The following TCF12 variants were observed in gnomAD, a reference collection of about 807,000 sequenced individuals.
TCF12 encodes transcription factor 12, also known as DNA-binding protein HTF4.
TCF12 carries 45 observed loss-of-function variants against 86.0 expected under a neutral mutation model. The observed-to-expected ratio is 0.52, with a 90% CI of 0.41 to 0.67. The LOEUF (loss-of-function observed/expected upper bound fraction) is 0.67. TCF12 is among the 30% of genes least tolerant of loss of function. The pLI is 0.00. For synonymous variants in TCF12, 330 were observed against 299.6 expected (o/e 1.10, Z -1.05); for missense variants, 881 against 859.9 (o/e 1.02, Z -0.31).
rs28450459 is a variant in TCF12 at position 57,146,327 on chromosome 15, T to C, written c.326-20075T>C. Among the ~76,000 whole-genome samples the C allele has an allele frequency of 4.0e-3, 610 of 152,300 alleles. 5 individuals are homozygous for C. Among genetic ancestry groups the C allele is most frequent in the African/African-American group, 0.014 (578 of 41,568 alleles). ...AAACTTTGTCAACATCTCTCACTAA[T>C]AGTAAATTAAATGTGAAATTTAAAA... On this transcript the variant is annotated intron_variant, in intron 5 of 20. Transcript: ENST00000333725.
intron 3 of TCF12, among the ~76,000 whole-genome samples, chr15:56,921,476 C>T (rs1194494986): frequency 2.6e-5 from 4 of 151,956 alleles, no homozygotes; most frequent in Admixed American, 2.0e-4. Context: ...TTTAAATTTA[C>T]TTTCAATACA....
At chr15:57,234,915 T>C (rs16977333) in intron 12 of TCF12, among the ~76,000 whole-genome samples, 7,741 of 152,298 alleles carry the variant, frequency 0.051, 553 homozygotes, top group African/African-American at 0.16. Flanking sequence ...TTTTATTTTC[T>C]ATGAAGTGCA....
At chr15:57,254,874 A>AAAAAAAAAAAG (rs1555410242) in intron 16 of TCF12, among the ~76,000 whole-genome samples, 8 of 108,854 alleles carry the variant, frequency 7.3e-5, no homozygotes, top group Non-Finnish European at 1.2e-4. Flanking sequence ...AAAAAAAAAA[A>AAAAAAAAAAAG]AAAGAAAGAA....
intron 8 of TCF12, among the ~76,000 whole-genome samples, chr15:57,212,779 A>G (rs1298990776): frequency 2.0e-5 from 3 of 152,142 alleles, no homozygotes; most frequent in African/African-American, 7.2e-5. Flanking sequence ...GAAATGGAAA[A>G]TTAGGCTCAG....
intron 5 of TCF12, among the ~76,000 whole-genome samples, chr15:57,107,187 G>A (rs2050189254): frequency 6.6e-6 from 1 of 152,178 alleles, no homozygotes; most frequent in African/African-American, 2.4e-5. Flanking sequence ...TAGGTGAATG[G>A]ATAAATCATG....
chr15:56,981,988 G>T (rs778084639), intron 3 of TCF12, among the ~76,000 whole-genome samples: 1 of 152,126 alleles, frequency 6.6e-6, no homozygotes. Flanking sequence ...GGTACACTTG[G>T]TGTAGCTTTT....
intron 16 of TCF12, among the ~76,000 whole-genome samples, chr15:57,257,702 T>G (rs1291466449): frequency 1.4e-5 from 2 of 145,816 alleles, no homozygotes; most frequent in Non-Finnish European, 3.0e-5. Context: ...TATATATATA[T>G]AGTGGTACAG....
At chr15:57,017,851 A>G (rs1349508635) in intron 3 of TCF12, among the ~76,000 whole-genome samples, 1 of 150,682 alleles carries the variant, frequency 6.6e-6, no homozygotes, top group Non-Finnish European at 1.5e-5. Context: ...ATATACATGT[A>G]TATTTCTTCT....
At chr15:57,098,020 A>G (rs1295555592) in intron 5 of TCF12, among the ~76,000 whole-genome samples, 1 of 148,842 alleles carries the variant, frequency 6.7e-6, no homozygotes, top group African/African-American at 2.4e-5. Flanking sequence ...AAAAAAAAAA[A>G]AAAAAAAAAA....
intron 4 of TCF12, among the ~76,000 whole-genome samples, chr15:57,089,495 A>T (rs2048852745): frequency 6.6e-6 from 1 of 152,182 alleles, no homozygotes. Context: ...TCTAATCTAT[A>T]AAGTTAATAA....
At chr15:57,037,622 C>T (rs538745272) in intron 3 of TCF12, among the ~76,000 whole-genome samples, 3 of 152,238 alleles carry the variant, frequency 2.0e-5, no homozygotes, top group Admixed American at 6.5e-5. Flanking sequence ...GAAAATTGTT[C>T]GGTTTCTTAT....
rs552019244 is a variant in TCF12, at chr15:56,959,939, T to C, written c.148+38841T>C. On this transcript the variant is annotated intron_variant, in intron 3 of 20. Transcript: ENST00000333725. ...TTATTGTTCCAATTTTTTGACAACT[T>C]GAAAAAAATCAAAAGAAATAGCTGC... Among the ~76,000 whole-genome samples, 3 of 152,292 alleles carry C rather than the reference T, an allele frequency of 2.0e-5. No homozygotes were observed. In the South Asian group the frequency reaches 6.2e-4, roughly 32 times the overall value.
chr15:57,233,069 ATGTG>A (rs66793854), intron 11 of TCF12, among the ~76,000 whole-genome samples: 3 of 148,272 alleles, frequency 2.0e-5, no homozygotes, highest in Non-Finnish European at 4.5e-5. Flanking sequence ...ATATATGTAT[ATGTG>A]TGTTTTTTAT....
At chr15:56,984,507 T>C (rs186959183) in intron 3 of TCF12, among the ~76,000 whole-genome samples, 1 of 152,112 alleles carries the variant, frequency 6.6e-6, no homozygotes, top group African/African-American at 2.4e-5. Flanking sequence ...ATTCCAAGAC[T>C]ATGTAAAATC....
intron 3 of TCF12, among the ~76,000 whole-genome samples, chr15:57,032,050 C>T (rs1200543528): frequency 6.6e-6 from 1 of 152,258 alleles, no homozygotes; most frequent in Non-Finnish European, 1.5e-5. Flanking sequence ...TAAAAGTGAC[C>T]TCTTTCGGGC....
At chr15:57,257,074 G>A (rs2060380020) in intron 16 of TCF12, among the ~76,000 whole-genome samples, 1 of 152,194 alleles carries the variant, frequency 6.6e-6, no homozygotes, top group African/African-American at 2.4e-5. Context: ...TAGATAATAT[G>A]AAAACAGATG....
chr15:57,166,771 G>C (rs1187220936), intron 6 of TCF12, among the ~76,000 whole-genome samples: 1 of 152,066 alleles, frequency 6.6e-6, no homozygotes, highest in Admixed American at 6.5e-5. Flanking sequence ...AAACGTAATT[G>C]GTGGTACATA....
chr15:56,963,691 C>T (rs1464533232), intron 3 of TCF12, among the ~76,000 whole-genome samples: 2 of 152,236 alleles, frequency 1.3e-5, no homozygotes, highest in South Asian at 2.1e-4. Context: ...AACCTTCTCT[C>T]ACCCTTTTGG....
chr15:57,264,768 C>T (rs773824419), intron 18 of TCF12, among the ~76,000 whole-genome samples: 2 of 152,096 alleles, frequency 1.3e-5, no homozygotes, highest in Non-Finnish European at 2.9e-5. Context: ...GAGGTCTTGT[C>T]GCCCAGGCTG....
Sources: gnomAD v4.1 joint callset for allele counts (sites outside exome capture counted in the v4.1 genomes callset) on GRCh38, gnomAD v4.1.1 for gene constraint, MANE v1.5 for transcripts, NCBI Gene and HGNC (gene_info 2026-07-23, HGNC 2026-07-21) for gene names.